The following FER variants were observed in gnomAD, a reference collection of about 807,000 sequenced individuals.
FER encodes the protein tyrosine-protein kinase Fer.
A neutral mutation model predicts 111.0 loss-of-function variants in FER; 63 were observed. The observed-to-expected ratio is 0.57, with a 90% CI of 0.46 to 0.70. FER has a LOEUF of 0.70. Among genes scored for constraint, FER ranks in the 30% least tolerant of loss-of-function variants. The pLI, the probability that FER is intolerant of heterozygous loss-of-function variation, is 0.00. For synonymous variants in FER, 327 were observed against 313.9 expected, an observed-to-expected ratio of 1.04 and a Z score of -0.44; for missense variants, 914 against 954.0, an observed-to-expected ratio of 0.96 and a Z score of 0.55.
intron 17 of FER, among the ~76,000 whole-genome samples, chr5:109,155,223 T>G (rs1247373807): frequency 6.6e-6 from 1 of 151,924 alleles, no homozygotes; most frequent in Non-Finnish European, 1.5e-5. Flanking sequence ...AACTGATATG[T>G]TACTGCCTAG....
At chr5:109,077,079 G>T (rs1581924652) in intron 16 of FER, among the ~76,000 whole-genome samples, 1 of 152,114 alleles carries the variant, frequency 6.6e-6, no homozygotes, top group East Asian at 1.9e-4. Flanking sequence ...TACCTTGACT[G>T]CCTTTTATAC....
intron 8 of FER, 21 bp downstream of exon 8, chr5:108,872,233 A>G: frequency 4.4e-6 from 7 of 1,582,278 alleles, no homozygotes; most frequent in Non-Finnish European, 6.0e-6. Context: ...ACAAAATATC[A>G]ACAGTTTAAA....
intron 3 of FER, among the ~76,000 whole-genome samples, chr5:108,800,291 A>G (rs1266127685): frequency 1.3e-5 from 2 of 152,122 alleles, no homozygotes; most frequent in East Asian, 3.8e-4. Flanking sequence ...TAATTTATAC[A>G]TTAAATTAAC....
At chr5:108,914,617 A>G (rs1561607400) in intron 10 of FER, among the ~76,000 whole-genome samples, 2 of 152,186 alleles carry the variant, frequency 1.3e-5, no homozygotes, top group African/African-American at 4.8e-5. Context: ...ATGTACCTCA[A>G]TTCAGGGGCT....
intron 3 of FER, among the ~76,000 whole-genome samples, chr5:108,810,300 A>G (rs955810582): frequency 1.3e-5 from 2 of 152,172 alleles, no homozygotes; most frequent in African/African-American, 4.8e-5. Context: ...CTGGGTGTGT[A>G]TACTTGATCC....
chr5:108,954,809 T>C lies in FER; in HGVS notation c.1410T>C (p.Ala470=), dbSNP rs753368925. The change falls in exon 12 of 20, where the codon GCT becomes GCC. Residue 470 remains alanine, a synonymous_variant. Coordinates refer to ENST00000281092, the MANE Select transcript of FER (RefSeq NM_005246.4). Reference sequence around the variant, plus strand: ...ATGGTGCAATTCCCAGAATAGAAGCTCAAGAACTGTTAAAAAAACAAGGAG... The same window carrying C: ...ATGGTGCAATTCCCAGAATAGAAGCCCAAGAACTGTTAAAAAAACAAGGAG... ...WYHGAIPRIE[A]QELLKKQGDF... The C allele has an allele frequency of 1.9e-6, 3 of 1,612,496 alleles. No individual in the cohort carries two copies. The South Asian group carries it at 3.3e-5, about 18-fold the overall frequency.
At chr5:108,957,882 TTCTC>T (rs1758640412) in intron 12 of FER, among the ~76,000 whole-genome samples, 1 of 151,610 alleles carries the variant, frequency 6.6e-6, no homozygotes, top group Non-Finnish European at 1.5e-5. Context: ...TGAGAGATCT[TTCTC>T]AGTGTTTTGC....
At chr5:108,933,639 A>C (rs1275461468) in intron 10 of FER, among the ~76,000 whole-genome samples, 2 of 152,152 alleles carry the variant, frequency 1.3e-5, no homozygotes, top group African/African-American at 4.8e-5. Context: ...GAAGAAAGTC[A>C]ATGGTAACTT....
chr5:108,809,520 T>G (rs1250881808), intron 3 of FER, among the ~76,000 whole-genome samples: 1 of 152,244 alleles, frequency 6.6e-6, no homozygotes, highest in African/African-American at 2.4e-5. Flanking sequence ...TTGGATCTTG[T>G]TAATCATTCT....
intron 10 of FER, among the ~76,000 whole-genome samples, chr5:108,936,962 C>T: frequency 6.6e-6 from 1 of 151,854 alleles, no homozygotes; most frequent in African/African-American, 2.4e-5. Context: ...TAAAATCAGT[C>T]TGAGTTAAAA....
At chr5:108,931,152 C>T (rs1393647403) in intron 10 of FER, among the ~76,000 whole-genome samples, 3 of 151,986 alleles carry the variant, frequency 2.0e-5, no homozygotes, top group Non-Finnish European at 2.9e-5. Context: ...TTAAAATGGG[C>T]GATGGTGCTT....
intron 11 of FER, among the ~76,000 whole-genome samples, chr5:108,950,774 C>CA (rs1004169530): frequency 1.3e-5 from 2 of 152,038 alleles, no homozygotes; most frequent in African/African-American, 4.8e-5. Context: ...GTTCAACTAT[C>CA]AAACTAGAAA....
In FER at chr5:108,946,241, C is replaced by T. The variant is rs1426286932; in HGVS notation, c.1329+19C>T. 1.3e-6 allele frequency: 2 copies of T among 1,551,762 alleles called. No individual in the cohort carries two copies. Among genetic ancestry groups the T allele is most frequent in the Non-Finnish European group, 1.8e-6 (2 of 1,125,444 alleles). ...TTCAGCAGTAAGTAGGATTAACTCT[C>T]TGTGCTACTGAAAATGGTCATTGTC... On this transcript the variant is annotated intron_variant, in intron 11 of 19. Coordinates refer to ENST00000281092, the MANE Select transcript of FER (RefSeq NM_005246.4).
Position 109,193,712 on chromosome 5 carries a change from A to T in FER, c.*6137A>T, listed in dbSNP as rs145162155. 2 of 152,100 alleles carry T rather than the reference A, an allele frequency of 1.3e-5. No individual in the cohort carries two copies. The highest frequency in any genetic ancestry group is 2.9e-5 in the Non-Finnish European group (2 of 67,994). The allele number at this position is 152,100 out of a possible 1,614,324, so 9.4% of individuals were successfully genotyped here. On this transcript the variant is annotated 3_prime_UTR_variant, in exon 20 of 20. Transcript: ENST00000281092. ...CTTCTGATTACTATTTCCTTTTCTC[A>T]TCTTTAGTTTTTCAAGATTTTGCTT...
At chr5:108,805,960 G>A (rs1757159653) in intron 3 of FER, among the ~76,000 whole-genome samples, 1 of 152,316 alleles carries the variant, frequency 6.6e-6, no homozygotes, top group South Asian at 2.1e-4. Flanking sequence ...TAATCACCAA[G>A]ACAATGGCAA....
chr5:108,820,741 C>G (rs1245068680), intron 3 of FER, among the ~76,000 whole-genome samples: 1 of 152,134 alleles, frequency 6.6e-6, no homozygotes, highest in Non-Finnish European at 1.5e-5. Flanking sequence ...AAAATTTAGT[C>G]TTTGTCCACA....
In FER at chr5:108,860,851, A is replaced by G. The variant is rs1323690274; in HGVS notation, c.482-6916A>G. Among the ~76,000 whole-genome samples, 3 of 152,210 alleles carry G rather than the reference A, an allele frequency of 2.0e-5. No homozygotes were observed. In the East Asian group the frequency reaches 5.8e-4, roughly 29 times the overall value. On this transcript the variant is annotated intron_variant, in intron 5 of 19. Transcript: ENST00000281092. ...GGGAGGCCTCAGGAAACTTACAATC[A>G]TGGTGGAAGAGGAAGAGGCATGACT...
intron 3 of FER, among the ~76,000 whole-genome samples, chr5:108,804,099 T>C (rs1756953311): frequency 1.3e-5 from 2 of 152,176 alleles, no homozygotes; most frequent in African/African-American, 4.8e-5. Context: ...TTGTTTCTCT[T>C]GTAAATGGCA....
chr5:109,053,258 G>T (rs1773099554), intron 16 of FER, among the ~76,000 whole-genome samples: 1 of 151,666 alleles, frequency 6.6e-6, no homozygotes, highest in African/African-American at 2.4e-5. Flanking sequence ...GTGCATGCCT[G>T]TGTAATCTCA....
Sources: gnomAD v4.1 joint callset for allele counts (sites outside exome capture counted in the v4.1 genomes callset) on GRCh38, gnomAD v4.1.1 for gene constraint, MANE v1.5 for transcripts, NCBI Gene and HGNC (gene_info 2026-07-23, HGNC 2026-07-21) for gene names.